CORIN: variants seen among roughly 807,000 people sequenced by gnomAD.
CORIN encodes the protein corin, serine peptidase.
In CORIN, 117 loss-of-function variants were observed where a neutral mutation model predicts 125.3. That is an observed-to-expected ratio of 0.93 (90% CI 0.80 to 1.09). The LOEUF (loss-of-function observed/expected upper bound fraction) is 1.09. CORIN is among the 50% of genes least tolerant of loss of function. CORIN has a pLI of 0.00. For missense variants in CORIN, 1,253 were observed against 1,306.7 expected (o/e 0.96, Z 0.63); for synonymous variants, 450 against 466.4 (o/e 0.96, Z 0.45).
At chr4:47,785,044 G>A (rs566281892) in intron 3 of CORIN, among the ~76,000 whole-genome samples, 19 of 152,204 alleles carry the variant, frequency 1.2e-4, no homozygotes, top group Admixed American at 2.6e-4. Flanking sequence ...AAATAAATAC[G>A]CCATCTCAGA....
intron 1 of CORIN, among the ~76,000 whole-genome samples, chr4:47,809,304 A>T (rs1277127550): frequency 2.6e-5 from 4 of 150,986 alleles, no homozygotes; most frequent in Non-Finnish European, 5.9e-5. Context: ...CCATTTTAAT[A>T]TGTCATCTAA....
At chr4:47,797,383 G>A (rs990741052) in intron 2 of CORIN, among the ~76,000 whole-genome samples, 2 of 151,864 alleles carry the variant, frequency 1.3e-5, no homozygotes, top group Admixed American at 6.6e-5. Flanking sequence ...TGCAGGTTTA[G>A]TTCTTATAAG....
rs148484117 is a variant in CORIN at position 47,707,642 on chromosome 4, T to C, written c.800-14559A>G. 3.9e-5 allele frequency among the ~76,000 whole-genome samples: 6 copies of C among 152,344 alleles called. No individual in the cohort carries two copies. In the East Asian group the frequency reaches 9.6e-4, roughly 24 times the overall value. ...TATCAGTGATTAATACCTCAGCAGA[T>C]AGCACTTAATATATTCATCTTCTTT... On this transcript the variant is annotated intron_variant, in intron 5 of 21. Transcript: ENST00000273857.
intron 16 of CORIN, among the ~76,000 whole-genome samples, chr4:47,634,373 C>T (rs1373688842): frequency 6.6e-6 from 1 of 152,252 alleles, no homozygotes; most frequent in Non-Finnish European, 1.5e-5. Flanking sequence ...GTGGCTCACG[C>T]CTGTAATCCC....
intron 20 of CORIN, among the ~76,000 whole-genome samples, 157 bp from the exon 21 acceptor site, chr4:47,600,504 C>A (rs1721410132): frequency 6.6e-6 from 1 of 152,124 alleles, no homozygotes; most frequent in African/African-American, 2.4e-5. Flanking sequence ...AAAGACATGG[C>A]TGGTTTGGAA....
chr4:47,758,749 T>G (rs754470097), intron 4 of CORIN, among the ~76,000 whole-genome samples: 1 of 152,182 alleles, frequency 6.6e-6, no homozygotes, highest in Non-Finnish European at 1.5e-5. Flanking sequence ...TCTCATGAGA[T>G]CTGATGGTTT....
chr4:47,810,835 T>C (rs996206847), intron 1 of CORIN, among the ~76,000 whole-genome samples: 9 of 152,166 alleles, frequency 5.9e-5, no homozygotes, highest in African/African-American at 2.2e-4. Flanking sequence ...CAGAGGAAGA[T>C]TGCATTATAT....
intron 2 of CORIN, among the ~76,000 whole-genome samples, chr4:47,805,552 C>T (rs899029355): frequency 6.6e-6 from 1 of 152,170 alleles, no homozygotes; most frequent in Admixed American, 6.5e-5. Context: ...TTCTTTCTGC[C>T]TCCAGTACTC....
chr4:47,643,351 GA>G, intron 14 of CORIN, 95 bp from the exon 15 acceptor site: 1 of 1,154,112 alleles, frequency 8.7e-7, no homozygotes. Context: ...CAGGAGCATG[GA>G]AAGAAGAAAA....
At chr4:47,660,732 T>C (rs571234846) in intron 12 of CORIN, among the ~76,000 whole-genome samples, 1 of 152,330 alleles carries the variant, frequency 6.6e-6, no homozygotes, top group South Asian at 2.1e-4. Context: ...TTGGTGAGAA[T>C]GCAAATTGGT....
intron 4 of CORIN, among the ~76,000 whole-genome samples, chr4:47,762,644 C>T (rs1729521916): frequency 6.6e-6 from 1 of 152,134 alleles, no homozygotes; most frequent in Non-Finnish European, 1.5e-5. Context: ...ATGGTTCACA[C>T]TTGCTTTAAA....
At chr4:47,769,778 T>C (rs1324975432) in intron 3 of CORIN, among the ~76,000 whole-genome samples, 1 of 152,136 alleles carries the variant, frequency 6.6e-6, no homozygotes, top group Non-Finnish European at 1.5e-5. Flanking sequence ...CAACAGTCTC[T>C]TCAATAAATA....
chr4:47,621,746 T>C (rs1325050000), intron 19 of CORIN, among the ~76,000 whole-genome samples: 1 of 152,054 alleles, frequency 6.6e-6, no homozygotes, highest in African/African-American at 2.4e-5. Flanking sequence ...TATGTTTCTG[T>C]GAAGGTGTTT....
intron 4 of CORIN, among the ~76,000 whole-genome samples, chr4:47,745,272 A>T (rs1490404590): frequency 6.6e-6 from 1 of 152,236 alleles, no homozygotes; most frequent in African/African-American, 2.4e-5. Context: ...TGGAGATGGG[A>T]TACTAACAAA....
intron 10 of CORIN, among the ~76,000 whole-genome samples, chr4:47,673,672 C>A (rs978114144): frequency 6.6e-6 from 1 of 152,132 alleles, no homozygotes; most frequent in Non-Finnish European, 1.5e-5. Flanking sequence ...CTGCTTACAC[C>A]GTTTGGAGCT....
chr4:47,706,517 G>A lies in CORIN; in HGVS notation c.800-13434C>T, dbSNP rs994133154. ...CGCCCCACCCGGCCTGATAAAGCGC[G>A]CCAACTGGGCTACAAGGCCAAGCAA... On this transcript the variant is annotated intron_variant, in intron 5 of 21. Coordinates refer to ENST00000273857, the MANE Select transcript of CORIN (RefSeq NM_006587.4). 23 of 1,611,356 alleles carry A rather than the reference G, an allele frequency of 1.4e-5. No individual in the cohort carries two copies. The African/African-American group carries it at 1.7e-4, about 12-fold the overall frequency.
intron 2 of CORIN, among the ~76,000 whole-genome samples, chr4:47,795,333 T>G (rs1354783796): frequency 6.6e-6 from 1 of 152,144 alleles, no homozygotes; most frequent in African/African-American, 2.4e-5. Flanking sequence ...CCACTGGGAT[T>G]TAGCTAGGGA....
chr4:47,621,625 T>G lies in CORIN; in HGVS notation c.2540+1946A>C, dbSNP rs1472976935. On this transcript the variant is annotated intron_variant, in intron 19 of 21. Transcript: ENST00000273857. ...GTGATGTTCGTCAGTTTGGGGTAGG[T>G]TTTCCCTTAGTTTTATTCTTCTGCT... Among the ~76,000 whole-genome samples, 60 of 152,148 alleles carry G rather than the reference T, an allele frequency of 3.9e-4. 1 individual carries two copies. The highest frequency in any genetic ancestry group is 3.9e-3 in the Admixed American group (60 of 15,268).
intron 16 of CORIN, 63 bp downstream of exon 16, chr4:47,641,857 T>C: frequency 6.3e-7 from 1 of 1,577,970 alleles, no homozygotes; most frequent in Non-Finnish European, 8.6e-7. Flanking sequence ...AAGGAAGATA[T>C]TACTGCCAAG....
Sources: gnomAD v4.1 joint callset for allele counts (sites outside exome capture counted in the v4.1 genomes callset) on GRCh38, gnomAD v4.1.1 for gene constraint, MANE v1.5 for transcripts, NCBI Gene and HGNC (gene_info 2026-07-23, HGNC 2026-07-21) for gene names.